CFAP299: variants seen among roughly 807,000 people sequenced by gnomAD.
CFAP299 encodes the protein cilia and flagella associated protein 299.
In CFAP299, 21 loss-of-function variants were observed where a neutral mutation model predicts 27.0. The observed-to-expected ratio is 0.78, with a 90% CI of 0.55 to 1.12. CFAP299 has a LOEUF of 1.12. Ranked by LOEUF, CFAP299 falls within the 50% of genes most tolerant of loss-of-function variation. The probability of loss-of-function intolerance (pLI) is 0.00; values close to 1 mark genes in which losing one functional copy is unlikely to be tolerated. For missense variants in CFAP299, 310 were observed against 276.6 expected (o/e 1.12, Z -0.86); for synonymous variants, 104 against 98.1 (o/e 1.06, Z -0.36).
intron 3 of CFAP299, among the ~76,000 whole-genome samples, chr4:80,742,808 T>C (rs913492700): frequency 2.6e-5 from 4 of 152,196 alleles, no homozygotes; most frequent in Non-Finnish European, 4.4e-5. Flanking sequence ...AAGTGGAATG[T>C]TGATCTTAAT....
At chr4:80,522,153 TTTTATTTATTTTTC>T (rs1043427145) in intron 2 of CFAP299, among the ~76,000 whole-genome samples, 3 of 151,990 alleles carry the variant, frequency 2.0e-5, no homozygotes, top group Non-Finnish European at 4.4e-5. Flanking sequence ...TTGGTTTTTA[TTTTATTTATTTTTC>T]TTTATTTATT....
chr4:80,471,820 T>C (rs920771672), intron 2 of CFAP299, among the ~76,000 whole-genome samples: 18 of 152,202 alleles, frequency 1.2e-4, no homozygotes, highest in African/African-American at 4.3e-4. Context: ...TTTCTGTAAC[T>C]GCGAGATGGG....
At chr4:80,833,233 C>T (rs1049177833) in intron 3 of CFAP299, among the ~76,000 whole-genome samples, 5 of 152,060 alleles carry the variant, frequency 3.3e-5, no homozygotes, top group African/African-American at 4.8e-5. Flanking sequence ...TTATGTAATA[C>T]TATAATTTTA....
intron 2 of CFAP299, among the ~76,000 whole-genome samples, chr4:80,541,246 G>A (rs1733982294): frequency 6.6e-6 from 1 of 152,094 alleles, no homozygotes; most frequent in South Asian, 2.1e-4. Flanking sequence ...TAATTTCTCT[G>A]TTTATGTGAA....
intron 3 of CFAP299, among the ~76,000 whole-genome samples, chr4:80,766,140 A>G (rs577606289): frequency 2.0e-5 from 3 of 152,192 alleles, no homozygotes; most frequent in Non-Finnish European, 1.5e-5. Context: ...GTGAAAATGT[A>G]TAACACCAAA....
At chr4:80,353,359 A>C (rs1017827264) in intron 1 of CFAP299, among the ~76,000 whole-genome samples, 3 of 152,030 alleles carry the variant, frequency 2.0e-5, no homozygotes, top group African/African-American at 7.2e-5. Flanking sequence ...TGCTTTCTTC[A>C]CCCCTGTGGG....
At chr4:80,688,675 G>A (rs914653487) in intron 3 of CFAP299, among the ~76,000 whole-genome samples, 1 of 152,216 alleles carries the variant, frequency 6.6e-6, no homozygotes, top group South Asian at 2.1e-4. Context: ...CACCAGCAAC[G>A]GAACAAAGCT....
intron 2 of CFAP299, among the ~76,000 whole-genome samples, chr4:80,450,725 T>A (rs999593405): frequency 6.6e-6 from 1 of 151,996 alleles, no homozygotes; most frequent in African/African-American, 2.4e-5. Context: ...ATATTTCACA[T>A]TAAAAGAGAT....
intron 2 of CFAP299, among the ~76,000 whole-genome samples, chr4:80,574,620 T>G (rs1735754826): frequency 1.3e-5 from 2 of 152,158 alleles, no homozygotes; most frequent in Non-Finnish European, 2.9e-5. Context: ...TTTATTGTTT[T>G]GGGGGTATGT....
At chr4:80,708,636 T>C (rs2110034271) in intron 3 of CFAP299, among the ~76,000 whole-genome samples, 1 of 152,244 alleles carries the variant, frequency 6.6e-6, no homozygotes, top group African/African-American at 2.4e-5. Flanking sequence ...TGAAAGTGAG[T>C]ACATATGCAT....
intron 3 of CFAP299, among the ~76,000 whole-genome samples, chr4:80,675,899 C>T (rs898237376): frequency 1.3e-5 from 2 of 152,208 alleles, no homozygotes; most frequent in Non-Finnish European, 2.9e-5. Flanking sequence ...ATTGGAAAAG[C>T]ACAGTATGTG....
chr4:80,436,663 T>A (rs1728099147), intron 2 of CFAP299, among the ~76,000 whole-genome samples: 1 of 152,148 alleles, frequency 6.6e-6, no homozygotes, highest in South Asian at 2.1e-4. Flanking sequence ...CATACTAAAT[T>A]TTTTGAAACA....
chr4:80,341,724 T>C (rs535926063), intron 1 of CFAP299, among the ~76,000 whole-genome samples: 17 of 152,342 alleles, frequency 1.1e-4, no homozygotes, highest in African/African-American at 4.1e-4. Flanking sequence ...AAACAGTCAT[T>C]GCAAAAATGC....
chr4:80,576,484 C>G (rs942458047), intron 2 of CFAP299, among the ~76,000 whole-genome samples: 1 of 151,838 alleles, frequency 6.6e-6, no homozygotes, highest in South Asian at 2.1e-4. Context: ...TATATTTTCT[C>G]ATCAATTTGC....
chr4:80,767,402 G>T (rs1438885819), intron 3 of CFAP299, among the ~76,000 whole-genome samples: 1 of 152,120 alleles, frequency 6.6e-6, no homozygotes, highest in East Asian at 1.9e-4. Flanking sequence ...GAGGTCAGGA[G>T]ATCAAGACCA....
chr4:80,361,084 G>A (rs941810005), intron 1 of CFAP299, among the ~76,000 whole-genome samples: 7 of 152,228 alleles, frequency 4.6e-5, no homozygotes, highest in African/African-American at 1.7e-4. Context: ...ATAATGGACA[G>A]ATGACTCATG....
At chr4:80,390,157 A>C (rs1189952813) in intron 2 of CFAP299, among the ~76,000 whole-genome samples, 1 of 152,064 alleles carries the variant, frequency 6.6e-6, no homozygotes, top group Non-Finnish European at 1.5e-5. Context: ...CTTTCTTAGC[A>C]CATTTCAAGT....
chr4:80,719,053 A>G (rs1360596626), intron 3 of CFAP299, among the ~76,000 whole-genome samples: 3 of 152,182 alleles, frequency 2.0e-5, no homozygotes, highest in Non-Finnish European at 2.9e-5. Context: ...AGAAAACCAA[A>G]TATCACATTT....
chr4:80,684,536 G>A (rs985414738), intron 3 of CFAP299, among the ~76,000 whole-genome samples: 1 of 152,132 alleles, frequency 6.6e-6, no homozygotes, highest in Admixed American at 6.5e-5. Context: ...AAGTGCTGCT[G>A]GGATTACAGG....
Sources: gnomAD v4.1 joint callset for allele counts (sites outside exome capture counted in the v4.1 genomes callset) on GRCh38, gnomAD v4.1.1 for gene constraint, MANE v1.5 for transcripts, NCBI Gene and HGNC (gene_info 2026-07-23, HGNC 2026-07-21) for gene names.